Variants in EPHA6 observed in about 807,000 individuals in gnomAD.
EPHA6 encodes EPH receptor A6.
EPHA6 carries 50 observed loss-of-function variants against 112.0 expected under a neutral mutation model. That is an observed-to-expected ratio of 0.45 (90% confidence interval 0.36 to 0.56). The LOEUF is 0.56. Ranked by LOEUF, EPHA6 falls within the 20% of genes least tolerant of loss-of-function variation. The probability of loss-of-function intolerance (pLI) is 0.00; values close to 1 mark genes in which losing one functional copy is unlikely to be tolerated. For synonymous variants in EPHA6, 529 were observed against 490.7 expected (o/e 1.08, Z -1.03); for missense variants, 1,280 against 1,417.4 (o/e 0.90, Z 1.56).
chr3:96,909,441 A>G (rs2039103767), intron 2 of EPHA6, among the ~76,000 whole-genome samples: 1 of 151,944 alleles, frequency 6.6e-6, no homozygotes, highest in African/African-American at 2.4e-5. Context: ...TTAATTTTCT[A>G]GTAATTCCTT....
chr3:97,634,204 C>T (rs1047348181), intron 13 of EPHA6, among the ~76,000 whole-genome samples: 2 of 151,960 alleles, frequency 1.3e-5, no homozygotes, highest in African/African-American at 4.8e-5. Context: ...ATAATCACTA[C>T]GTTTACATCA....
chr3:97,066,347 T>G (rs2046178269), intron 3 of EPHA6, among the ~76,000 whole-genome samples: 1 of 152,098 alleles, frequency 6.6e-6, no homozygotes, highest in Non-Finnish European at 1.5e-5. Flanking sequence ...AGTGAAAATT[T>G]CTCTAATAAA....
intron 2 of EPHA6, among the ~76,000 whole-genome samples, chr3:96,953,395 C>T (rs971451212): frequency 6.6e-6 from 1 of 152,106 alleles, no homozygotes; most frequent in Non-Finnish European, 1.5e-5. Flanking sequence ...TATCACCGTT[C>T]CTTTTTCCAG....
chr3:96,994,303 C>T (rs2043322767), intron 3 of EPHA6: 1 of 289,924 alleles, frequency 3.4e-6, no homozygotes, highest in Admixed American at 3.6e-5. Flanking sequence ...AATTTTATTT[C>T]ATAGATTCAT....
chr3:97,628,344 G>T (rs1414155058), intron 13 of EPHA6, among the ~76,000 whole-genome samples: 1 of 151,886 alleles, frequency 6.6e-6, no homozygotes, highest in Admixed American at 6.6e-5. Flanking sequence ...TCAATGATAG[G>T]CAATAACTGT....
chr3:96,859,349 A>G (rs1202398924), intron 1 of EPHA6, among the ~76,000 whole-genome samples: 1 of 151,732 alleles, frequency 6.6e-6, no homozygotes, highest in African/African-American at 2.4e-5. Flanking sequence ...ACTAAAGGTT[A>G]GATTACTAAA....
rs539674638 is a variant in EPHA6, at chr3:97,485,385, C to T, written c.2200+1326C>T. Among the ~76,000 whole-genome samples the T allele has an allele frequency of 5.3e-5, 8 of 152,268 alleles. No individual in the cohort carries two copies. The East Asian group carries it at 9.7e-4, about 18-fold the overall frequency. On this transcript the variant is annotated intron_variant, in intron 10 of 17. Transcript: ENST00000389672. Reference sequence around the variant, plus strand: ...GGGCACACCTAAACTCAAGGCTGTACGTGACTGCACAAGTTACATACTCAT... The same window carrying T: ...GGGCACACCTAAACTCAAGGCTGTATGTGACTGCACAAGTTACATACTCAT...
intron 5 of EPHA6, among the ~76,000 whole-genome samples, chr3:97,279,284 T>A (rs1463541167): frequency 6.6e-6 from 1 of 152,144 alleles, no homozygotes; most frequent in Non-Finnish European, 1.5e-5. Flanking sequence ...TTATTAATAG[T>A]GTTCTTACTG....
In EPHA6 at chr3:97,182,919, A is replaced by T. The variant is rs369128522; in HGVS notation, c.1115-43345A>T. On this transcript the variant is annotated intron_variant, in intron 3 of 17. Transcript: ENST00000389672. ...CTAAAACCAAGAATAGATAAAGACA[A>T]AAATTTGTAATAAAAATGTTTAAAC... is the stretch of plus-strand genomic sequence containing the variant. Among the ~76,000 whole-genome samples, 76 of 152,224 alleles carry T rather than the reference A, an allele frequency of 5.0e-4. No homozygotes were observed. In the South Asian group the frequency reaches 0.015, roughly 30 times the overall value.
chr3:97,523,977 T>A (rs1159320841), intron 10 of EPHA6, among the ~76,000 whole-genome samples: 4 of 152,074 alleles, frequency 2.6e-5, no homozygotes, highest in Non-Finnish European at 1.5e-5. Context: ...TTAGTCTATG[T>A]GTGTCCCTAA....
chr3:97,012,112 A>T (rs1334094459), intron 3 of EPHA6, among the ~76,000 whole-genome samples: 1 of 152,134 alleles, frequency 6.6e-6, no homozygotes, highest in Non-Finnish European at 1.5e-5. Flanking sequence ...TAATGCTGTG[A>T]TGAACTTACA....
chr3:97,589,271 C>T (rs2093521030), intron 11 of EPHA6, among the ~76,000 whole-genome samples: 1 of 151,484 alleles, frequency 6.6e-6, no homozygotes, highest in Admixed American at 6.6e-5. Context: ...GATTGGACAC[C>T]CCTTGTTACG....
intron 1 of EPHA6, among the ~76,000 whole-genome samples, chr3:96,815,533 A>G (rs570745787): frequency 1.3e-5 from 2 of 152,156 alleles, no homozygotes; most frequent in East Asian, 1.9e-4. Context: ...ACCGAAGTAG[A>G]CTTACTCGAA....
At chr3:97,059,310 C>T (rs1001859784) in intron 3 of EPHA6, among the ~76,000 whole-genome samples, 2 of 152,102 alleles carry the variant, frequency 1.3e-5, no homozygotes, top group African/African-American at 4.8e-5. Context: ...GGAAAACACA[C>T]ATCTTTCCTT....
intron 3 of EPHA6, among the ~76,000 whole-genome samples, chr3:97,052,424 TC>T (rs1162708557): frequency 6.6e-6 from 1 of 152,118 alleles, no homozygotes; most frequent in Non-Finnish European, 1.5e-5. Flanking sequence ...AATTTTTTTT[TC>T]TTTGTCTGTC....
chr3:97,359,604 A>G (rs1179132766), intron 5 of EPHA6, among the ~76,000 whole-genome samples: 1 of 151,798 alleles, frequency 6.6e-6, no homozygotes, highest in African/African-American at 2.4e-5. Context: ...TGAATGAGTC[A>G]TATTTCCTTG....
intron 10 of EPHA6, among the ~76,000 whole-genome samples, chr3:97,488,454 G>A (rs187535661): frequency 2.6e-5 from 4 of 152,238 alleles, no homozygotes; most frequent in South Asian, 2.1e-4. Flanking sequence ...TGCTATACAA[G>A]GCCTAATGTT....
chr3:97,252,753 A>G (rs2079179459), intron 5 of EPHA6, among the ~76,000 whole-genome samples: 1 of 152,190 alleles, frequency 6.6e-6, no homozygotes, highest in African/African-American at 2.4e-5. Context: ...ATTTGTATTC[A>G]CTTTAAAAAT....
intron 11 of EPHA6, among the ~76,000 whole-genome samples, chr3:97,552,080 A>C (rs1342976508): frequency 6.6e-6 from 1 of 152,198 alleles, no homozygotes; most frequent in Non-Finnish European, 1.5e-5. Context: ...GTTTCAAATT[A>C]TTCTTCTTAA....
Sources: allele counts gnomAD v4.1 joint callset (sites outside exome capture counted in the v4.1 genomes callset), GRCh38; gene constraint gnomAD v4.1.1; transcripts MANE v1.5; gene names NCBI Gene and HGNC (gene_info 2026-07-23, HGNC 2026-07-21).